Variants in TET1 observed in about 807,000 individuals in gnomAD.
TET1 encodes tet methylcytosine dioxygenase 1, also known as methylcytosine dioxygenase TET1.
Under a neutral mutation model 148.7 loss-of-function variants are expected in TET1, and 13 were observed. That is an observed-to-expected ratio of 0.09 (90% CI 0.06 to 0.14). The LOEUF is 0.14. Ranked by LOEUF, TET1 falls within the 10% of genes least tolerant of loss-of-function variation. The probability of loss-of-function intolerance (pLI) is 1.00; values close to 1 mark genes in which losing one functional copy is unlikely to be tolerated. For missense variants in TET1, 2,182 were observed against 2,553.8 expected (o/e 0.85, Z 3.14); for synonymous variants, 907 against 937.2 (o/e 0.97, Z 0.59).
intron 1 of TET1, among the ~76,000 whole-genome samples, chr10:68,571,205 G>T (rs879939613): frequency 4.0e-5 from 6 of 151,506 alleles, no homozygotes; most frequent in Non-Finnish European, 5.9e-5. Flanking sequence ...GGCCAGGCTG[G>T]TCTCGAACTT....
At chr10:68,569,234 G>T (rs2053640654) in intron 1 of TET1, among the ~76,000 whole-genome samples, 1 of 141,872 alleles carries the variant, frequency 7.0e-6, no homozygotes, top group South Asian at 2.2e-4. Flanking sequence ...GTGCAGTGGT[G>T]CAATCTCGGC....
chr10:68,632,846 A>C, intron 3 of TET1: 1 of 808,974 alleles, frequency 1.2e-6, no homozygotes, highest in Non-Finnish European at 1.9e-6. Context: ...AAAAAAAAAA[A>C]AAAAAAGAAA....
chr10:68,593,943 T>C (rs1308992313), intron 2 of TET1, among the ~76,000 whole-genome samples: 1 of 131,140 alleles, frequency 7.6e-6, no homozygotes, highest in Admixed American at 8.2e-5. Context: ...TTTTTTTTTT[T>C]GAGACAGAGT....
intron 10 of TET1, among the ~76,000 whole-genome samples, chr10:68,684,709 A>C (rs2055486435): frequency 6.6e-6 from 1 of 152,128 alleles, no homozygotes; most frequent in Admixed American, 6.5e-5. Flanking sequence ...TGAACTCTTG[A>C]AATTCTACCA....
chr10:68,689,088 C>G (rs2055555991), intron 11 of TET1, among the ~76,000 whole-genome samples: 1 of 152,108 alleles, frequency 6.6e-6, no homozygotes, highest in African/African-American at 2.4e-5. Flanking sequence ...TGTAATTCTA[C>G]CCCTCAGTCA....
intron 2 of TET1, among the ~76,000 whole-genome samples, chr10:68,598,929 T>C (rs2795887): frequency 0.62 from 93,997 of 151,916 alleles, 29,199 homozygotes; most frequent in Middle Eastern, 0.67. Context: ...TCAGGTGATC[T>C]TCCTGCCTCG....
chr10:68,686,835 A>G (rs1428397244), intron 11 of TET1, 128 bp downstream of exon 11: 4 of 850,426 alleles, frequency 4.7e-6, no homozygotes, highest in Non-Finnish European at 7.0e-6. Context: ...TACCAGAACC[A>G]AAAGTCAACA....
At chr10:68,668,634 C>T (rs555879504) in intron 7 of TET1, among the ~76,000 whole-genome samples, 12 of 152,240 alleles carry the variant, frequency 7.9e-5, no homozygotes, top group East Asian at 5.8e-4. Context: ...GGCTGGAGTG[C>T]GGTGGCGCAA....
At chr10:68,668,560 A>G (rs1292717674) in intron 7 of TET1, among the ~76,000 whole-genome samples, 1 of 152,190 alleles carries the variant, frequency 6.6e-6, no homozygotes, top group Non-Finnish European at 1.5e-5. Flanking sequence ...TTGTAAGAGG[A>G]GATAAGTTTT....
intron 6 of TET1, among the ~76,000 whole-genome samples, chr10:68,653,575 A>G (rs2054971947): frequency 1.3e-5 from 2 of 152,214 alleles, no homozygotes; most frequent in African/African-American, 4.8e-5. Flanking sequence ...CAGTCTTCCT[A>G]TTCTACATAT....
At position 68,644,834 on chromosome 10, in the gene TET1, T is replaced by C; in HGVS notation, c.2105T>C (p.Met702Thr). 1 of 1,613,924 alleles carries C rather than the reference T, an allele frequency of 6.2e-7. No individual in the cohort carries two copies. The highest frequency in any genetic ancestry group is 1.1e-5 in the South Asian group (1 of 91,042). Reference protein sequence around the residue: ...VENVTKNEDSMTGIEVEKWTQ... With the variant: ...VENVTKNEDSTTGIEVEKWTQ... ...AATGTAACTAAAAATGAAGACAGCA[T>C]GACAGGCATCGAGGTGGAGAAGTGG... Residue 702 changes from methionine (M) to threonine (T), a missense_variant, in exon 4 of 12, where the codon ATG becomes ACG. Met to Thr is a moderately conservative substitution (Grantham distance 81). Transcript: ENST00000373644.
Position 68,692,589 on chromosome 10 carries a change from G to T in TET1, c.*775G>T, listed in dbSNP as rs752272240. The stretch of plus-strand genomic sequence containing the variant: ...AGTATGTATTCTAATCATGTATATG[G>T]TTTGTGTTCTTTTACTGTGTCCTCT... On this transcript the variant is annotated 3_prime_UTR_variant, in exon 12 of 12. Transcript: ENST00000373644. The T allele has an allele frequency of 8.6e-5, 20 of 232,298 alleles. No homozygotes were observed. The highest frequency in any genetic ancestry group is 1.6e-4 in the Non-Finnish European group (19 of 117,414). 14.4% of individuals were successfully genotyped at this position (232,298 alleles called of 1,614,324 possible).
At chr10:68,689,562 G>C (rs187521712) in intron 11 of TET1, among the ~76,000 whole-genome samples, 2 of 152,054 alleles carry the variant, frequency 1.3e-5, no homozygotes, top group Admixed American at 1.3e-4. Flanking sequence ...TTAGCCAGGC[G>C]TGGTGGAGAT....
intron 7 of TET1, among the ~76,000 whole-genome samples, chr10:68,667,470 C>G (rs74700344): frequency 6.6e-6 from 1 of 152,126 alleles, no homozygotes; most frequent in Non-Finnish European, 1.5e-5. Context: ...TATTACTTCA[C>G]TGTGACCAGG....
At chr10:68,674,854 C>T (rs1191023229) in intron 8 of TET1, 4 of 428,324 alleles carry the variant, frequency 9.3e-6, no homozygotes, top group South Asian at 2.0e-5. Flanking sequence ...AGACAAATTA[C>T]TTGAAAGAAG....
intron 8 of TET1, chr10:68,674,739 T>G (rs1161303709): frequency 2.0e-6 from 1 of 492,352 alleles, no homozygotes; most frequent in Non-Finnish European, 4.0e-6. Flanking sequence ...TGTGTTGGTT[T>G]TACTAAAAAA....
intron 2 of TET1, among the ~76,000 whole-genome samples, chr10:68,588,222 A>G (rs1344694274): frequency 6.6e-6 from 1 of 152,146 alleles, no homozygotes; most frequent in African/African-American, 2.4e-5. Context: ...GACTCAAGCA[A>G]TCTGCCCGCT....
Position 68,690,955 on chromosome 10 carries a change from C to T in TET1, c.5552C>T (p.Ser1851Phe). ...VKEASPGFSW[S>F]PKTASATPAP... The stretch of plus-strand genomic sequence containing the variant: ...GAGGCATCTCCAGGCTTCTCCTGGT[C>T]CCCGAAGACTGCTTCAGCCACACCA... Residue 1851 changes from serine to phenylalanine, a missense_variant, in exon 12 of 12, where the codon TCC becomes TTC. Around this residue, in one of 11 missense-constraint regions of TET1, gnomAD observed 380 missense variants for 387.9 expected, o/e 0.98. Coordinates refer to ENST00000373644, the MANE Select transcript of TET1 (RefSeq NM_030625.3). The T allele has an allele frequency of 6.2e-7, 1 of 1,614,206 alleles. No individual in the cohort carries two copies.
At chr10:68,686,841 C>G in intron 11 of TET1, 134 bp downstream of exon 11, 1 of 809,408 alleles carries the variant, frequency 1.2e-6, no homozygotes, top group Admixed American at 3.3e-5. Context: ...AACCAAAAGT[C>G]AACAAAAAAG....
Sources: allele counts gnomAD v4.1 joint callset (sites outside exome capture counted in the v4.1 genomes callset), GRCh38; gene constraint gnomAD v4.1.1; regional missense constraint gnomAD v4.1.1; transcripts MANE v1.5; gene names NCBI Gene and HGNC (gene_info 2026-07-23, HGNC 2026-07-21).